HERC4: variants seen among roughly 807,000 people sequenced by gnomAD.
HERC4 encodes probable E3 ubiquitin-protein ligase HERC4.
Under a neutral mutation model 124.3 loss-of-function variants are expected in HERC4, and 28 were observed. The observed-to-expected ratio is 0.23, with a 90% CI of 0.17 to 0.31. The LOEUF (loss-of-function observed/expected upper bound fraction) is 0.31. Among genes scored for constraint, HERC4 ranks in the 10% least tolerant of loss-of-function variants. HERC4 has a pLI of 1.00. For synonymous variants in HERC4, 407 were observed against 421.5 expected (o/e 0.97, Z 0.42); for missense variants, 713 against 1,229.3 (o/e 0.58, Z 6.28).
chr10:67,925,365 G>A (rs891482840), intron 23 of HERC4, among the ~76,000 whole-genome samples, 178 bp from the exon 24 acceptor site: 2 of 152,100 alleles, frequency 1.3e-5, no homozygotes, highest in African/African-American at 4.8e-5. Context: ...AAATACGTAA[G>A]AATCACCAGA....
chr10:68,068,943 G>T, intron 3 of HERC4: 1 of 524,366 alleles, frequency 1.9e-6, no homozygotes, highest in Non-Finnish European at 2.4e-6. Context: ...AATTAAATGA[G>T]ATACTCCATT....
intron 9 of HERC4, among the ~76,000 whole-genome samples, chr10:67,997,814 C>T (rs926737338): frequency 1.9e-4 from 29 of 152,224 alleles, no homozygotes; most frequent in Admixed American, 1.8e-3. Flanking sequence ...TGCTCTTGTA[C>T]GAGGTGGAAG....
intron 5 of HERC4, among the ~76,000 whole-genome samples, chr10:68,035,083 T>C (rs1456110402): frequency 1.3e-5 from 2 of 151,992 alleles, no homozygotes; most frequent in Admixed American, 1.3e-4. Flanking sequence ...AACAACAAAA[T>C]AGTACACACT....
chr10:67,993,276 C>T (rs524256), intron 9 of HERC4: 71,696 of 150,574 alleles, frequency 0.48, 20,706 homozygotes, highest in Non-Finnish European at 0.66. Context: ...ACCCAGGAGG[C>T]GGAGGTTGCA....
chr10:67,979,272 C>T (rs2035786036), intron 15 of HERC4, among the ~76,000 whole-genome samples: 1 of 151,944 alleles, frequency 6.6e-6, no homozygotes, highest in African/African-American at 2.4e-5. Flanking sequence ...ATAAATTTAA[C>T]AAAGAGACTG....
At position 67,927,430 on chromosome 10, in the gene HERC4, A is replaced by AT. The variant is rs373401588; in HGVS notation, c.2839-2244dup. 3.2e-3 allele frequency among the ~76,000 whole-genome samples: 121 copies of AT among 37,876 alleles called. 2 individuals carry two copies. Among genetic ancestry groups the AT allele is most frequent in the African/African-American group, 5.4e-3 (94 of 17,334 alleles). The allele number at this position is 37,876 out of a possible 152,430, so 24.8% of individuals were successfully genotyped here. ...TATATATATATATATATATATATAT[A>AT]TTTTTTTTTTTTTTTAGATAGAGTC... On this transcript the variant is annotated intron_variant, in intron 23 of 24. Transcript: ENST00000373700.
intron 3 of HERC4, among the ~76,000 whole-genome samples, chr10:68,071,190 G>A (rs1042788294): frequency 1.3e-5 from 2 of 152,226 alleles, no homozygotes; most frequent in Non-Finnish European, 2.9e-5. Flanking sequence ...GATGAATCAA[G>A]ATGATATAGA....
chr10:68,041,526 A>C (rs1341965972), intron 4 of HERC4, among the ~76,000 whole-genome samples: 1 of 152,186 alleles, frequency 6.6e-6, no homozygotes, highest in Non-Finnish European at 1.5e-5. Context: ...TAATAATTCA[A>C]ATATGTTTAG....
intron 19 of HERC4, among the ~76,000 whole-genome samples, chr10:67,953,622 G>C (rs2033954711): frequency 6.6e-6 from 1 of 152,094 alleles, no homozygotes; most frequent in Non-Finnish European, 1.5e-5. Context: ...AAAACATCAA[G>C]TATGTTTAAA....
intron 23 of HERC4, among the ~76,000 whole-genome samples, chr10:67,930,097 C>G (rs534967801): frequency 6.6e-6 from 1 of 152,188 alleles, no homozygotes; most frequent in Non-Finnish European, 1.5e-5. Flanking sequence ...TGAGCCACCG[C>G]GCCCGGCCCA....
At chr10:68,006,375 G>GTTTTTTT (rs772576805) in intron 9 of HERC4, among the ~76,000 whole-genome samples, 5 of 134,030 alleles carry the variant, frequency 3.7e-5, no homozygotes, top group South Asian at 2.3e-4. Context: ...TTTTGTTTTT[G>GTTTTTTT]TTTTTTTTTT....
At chr10:68,050,089 A>T (rs1287369355) in intron 3 of HERC4, among the ~76,000 whole-genome samples, 1 of 152,154 alleles carries the variant, frequency 6.6e-6, no homozygotes, top group Middle Eastern at 3.2e-3. Flanking sequence ...GCTACTCAGG[A>T]GGCTGAGGTA....
intron 9 of HERC4, chr10:67,995,137 T>C (rs2036789604): frequency 2.8e-6 from 1 of 360,752 alleles, no homozygotes; most frequent in Non-Finnish European, 5.5e-6. Flanking sequence ...AAATTGGTGG[T>C]TGAATCTAGA....
At chr10:67,987,547 C>A (rs1263666498) in intron 15 of HERC4, among the ~76,000 whole-genome samples, 1 of 152,110 alleles carries the variant, frequency 6.6e-6, no homozygotes, top group Non-Finnish European at 1.5e-5. Flanking sequence ...TTCTTAGTAA[C>A]TGTTTACTGC....
Sources: gnomAD v4.1 joint callset for allele counts (sites outside exome capture counted in the v4.1 genomes callset) on GRCh38, gnomAD v4.1.1 for gene constraint, MANE v1.5 for transcripts, NCBI Gene and HGNC (gene_info 2026-07-23, HGNC 2026-07-21) for gene names.